Variants in ACACA observed in about 807,000 individuals in gnomAD.
ACACA encodes the protein acetyl-CoA carboxylase alpha, also known as acetyl-CoA carboxylase 1.
In ACACA, 103 loss-of-function variants were observed where a neutral mutation model predicts 296.1. That is an observed-to-expected ratio of 0.35 (90% CI 0.30 to 0.41). The LOEUF (loss-of-function observed/expected upper bound fraction) is 0.41. ACACA is among the 10% of genes least tolerant of loss of function. ACACA has a pLI of 1.00. For missense variants in ACACA, 1,554 were observed against 2,989.7 expected, an observed-to-expected ratio of 0.52 and a Z score of 11.20; for synonymous variants, 953 against 1,038.6, an observed-to-expected ratio of 0.92 and a Z score of 1.58.
chr17:37,406,370 A>G lies in ACACA; in HGVS notation c.-71T>C. On this transcript the variant is annotated 5_prime_UTR_variant, in exon 1 of 56. Coordinates refer to ENST00000616317, the MANE Select transcript of ACACA (RefSeq NM_198834.3). ...GGGATGGTTCTTTCCAAAGAAGACA[A>G]TTTCGACGTTCCAGGAGCATCTGAT... 1.3e-6 allele frequency: 2 copies of G among 1,549,342 alleles called. No individual in the cohort carries two copies. Among genetic ancestry groups the G allele is most frequent in the African/African-American group, 1.4e-5 (1 of 73,740 alleles).
At chr17:37,105,875 AAAAAAG>A (rs1469713713) in intron 52 of ACACA, among the ~76,000 whole-genome samples, 1 of 151,898 alleles carries the variant, frequency 6.6e-6, no homozygotes, top group African/African-American at 2.4e-5. Flanking sequence ...AAAAAAAAAA[AAAAAAG>A]AAAGAAAGAA....
intron 1 of ACACA, chr17:37,391,845 A>C: frequency 1.1e-6 from 1 of 904,442 alleles, no homozygotes; most frequent in Non-Finnish European, 1.8e-6. Context: ...TCAAACACCA[A>C]TTCCTGGTTA....
intron 6 of ACACA, 69 bp downstream of exon 6, chr17:37,277,827 A>G (rs1037491458): frequency 1.8e-5 from 21 of 1,199,454 alleles, no homozygotes; most frequent in Middle Eastern, 1.9e-4. Flanking sequence ...GTTCTTCTCT[A>G]GATATCCCCT....
intron 50 of ACACA, among the ~76,000 whole-genome samples, chr17:37,119,479 A>G (rs906942936): frequency 6.6e-6 from 1 of 152,108 alleles, no homozygotes; most frequent in African/African-American, 2.4e-5. Context: ...TGATAATCTA[A>G]AAAATATATA....
At chr17:37,392,709 G>C (rs1774671299) in intron 1 of ACACA, 1 of 151,674 alleles carries the variant, frequency 6.6e-6, no homozygotes, top group African/African-American at 2.4e-5. Flanking sequence ...TTCACTTCAA[G>C]TGCTGTCCAA....
At chr17:37,239,439 T>G (rs1046009816) in intron 24 of ACACA, among the ~76,000 whole-genome samples, 17 of 152,218 alleles carry the variant, frequency 1.1e-4, no homozygotes, top group African/African-American at 2.9e-4. Flanking sequence ...CATCCTTGTC[T>G]TATTCCTAAT....
At chr17:37,151,724 C>T (rs2076046947) in intron 43 of ACACA, among the ~76,000 whole-genome samples, 1 of 152,070 alleles carries the variant, frequency 6.6e-6, no homozygotes, top group Non-Finnish European at 1.5e-5. Context: ...TGAAGTGGTG[C>T]AATCAAGGCT....
At chr17:37,310,939 A>G (rs914659454) in intron 3 of ACACA, among the ~76,000 whole-genome samples, 21 of 152,276 alleles carry the variant, frequency 1.4e-4, no homozygotes, top group Admixed American at 5.2e-4. Context: ...TGGTAAGAGT[A>G]GAATGGAGGT....
chr17:37,174,260 G>A (rs1198912447), intron 41 of ACACA, among the ~76,000 whole-genome samples: 1 of 150,442 alleles, frequency 6.6e-6, no homozygotes, highest in Non-Finnish European at 1.5e-5. Flanking sequence ...AAGGTTCAAA[G>A]GATCTTCAAC....
intron 16 of ACACA, among the ~76,000 whole-genome samples, chr17:37,250,774 C>T (rs946675481): frequency 2.0e-5 from 3 of 152,192 alleles, no homozygotes; most frequent in Non-Finnish European, 4.4e-5. Flanking sequence ...GCCTGTAATC[C>T]CAGCACTTTG....
At chr17:37,133,077 T>A (rs1384572725) in intron 45 of ACACA, among the ~76,000 whole-genome samples, 1 of 152,208 alleles carries the variant, frequency 6.6e-6, no homozygotes, top group Non-Finnish European at 1.5e-5. Context: ...GAAGTGTTTG[T>A]CATGTGAGAA....
intron 45 of ACACA, among the ~76,000 whole-genome samples, chr17:37,144,655 T>C (rs1163515251): frequency 1.3e-5 from 2 of 152,244 alleles, no homozygotes; most frequent in Non-Finnish European, 2.9e-5. Context: ...CAGAGAGAAA[T>C]GTAACTTACT....
intron 3 of ACACA, among the ~76,000 whole-genome samples, chr17:37,290,208 C>A (rs548576371): frequency 6.6e-6 from 1 of 152,034 alleles, no homozygotes; most frequent in Admixed American, 6.6e-5. Flanking sequence ...CCACCACGCT[C>A]GACTAATTTT....
chr17:37,252,691 C>T (rs1012662505), intron 15 of ACACA, among the ~76,000 whole-genome samples, 195 bp downstream of exon 15: 2 of 152,116 alleles, frequency 1.3e-5, no homozygotes, highest in African/African-American at 4.8e-5. Context: ...GGAAGTAATG[C>T]TAGAACATAA....
chr17:37,241,889 C>T lies in ACACA; in HGVS notation c.3032+64G>A, dbSNP rs1023226651. 4.4e-6 allele frequency: 6 copies of T among 1,378,056 alleles called. No individual in the cohort carries two copies. In the Admixed American group the frequency reaches 5.0e-5, roughly 12 times the overall value. The allele number at this position is 1,378,056 out of a possible 1,614,324, so 85.4% of individuals were successfully genotyped here. A position where few individuals can be genotyped will look rare whatever the true frequency, so the allele number is the denominator to read the frequency against. On this transcript the variant is annotated intron_variant, in intron 23 of 55. Coordinates refer to ENST00000616317, the MANE Select transcript of ACACA (RefSeq NM_198834.3). Reference sequence around the variant, plus strand: ...AATCTGAGGTAAATTTTTTTGTGACCACTTGAAAGAAAGGAAGACATGAGT... The same window carrying T: ...AATCTGAGGTAAATTTTTTTGTGACTACTTGAAAGAAAGGAAGACATGAGT...
At chr17:37,380,568 C>T (rs1007108234) in intron 1 of ACACA, among the ~76,000 whole-genome samples, 4 of 151,948 alleles carry the variant, frequency 2.6e-5, no homozygotes, top group Non-Finnish European at 5.9e-5. Context: ...TCTGATGGAT[C>T]TTCTTTCAAC....
At chr17:37,276,817 A>G (rs2082301248) in intron 7 of ACACA, among the ~76,000 whole-genome samples, 1 of 152,170 alleles carries the variant, frequency 6.6e-6, no homozygotes, top group Non-Finnish European at 1.5e-5. Flanking sequence ...TGACCCAGGG[A>G]CAGAAAACAA....
At chr17:37,143,899 C>T in intron 45 of ACACA, 1 of 1,512,444 alleles carries the variant, frequency 6.6e-7, no homozygotes, top group East Asian at 2.2e-5. Context: ...AGTGTTATTC[C>T]ACATCTCTCC....
At chr17:37,333,283 G>A (rs2047968751) in intron 2 of ACACA, among the ~76,000 whole-genome samples, 1 of 152,162 alleles carries the variant, frequency 6.6e-6, no homozygotes, top group Non-Finnish European at 1.5e-5. Flanking sequence ...GCCATCAGGA[G>A]ATTATTCTAG....
Sources: allele counts gnomAD v4.1 joint callset (sites outside exome capture counted in the v4.1 genomes callset), GRCh38; gene constraint gnomAD v4.1.1; transcripts MANE v1.5; gene names NCBI Gene and HGNC (gene_info 2026-07-23, HGNC 2026-07-21).